Variants in AP1G1 observed in about 807,000 individuals in gnomAD.
AP1G1 encodes adaptor related protein complex 1 subunit gamma 1, also known as AP-1 complex subunit gamma-1.
AP1G1 carries 7 observed loss-of-function variants against 108.3 expected under a neutral mutation model. The observed-to-expected ratio is 0.06, with a 90% CI of 0.04 to 0.12. The LOEUF (loss-of-function observed/expected upper bound fraction) is 0.12, where lower values mean the gene tolerates loss of function less well. AP1G1 is among the 10% of genes least tolerant of loss of function. The probability of loss-of-function intolerance (pLI) is 1.00; values close to 1 mark genes in which losing one functional copy is unlikely to be tolerated. For missense variants in AP1G1, 756 were observed against 1,010.7 expected, an observed-to-expected ratio of 0.75 and a Z score of 3.42; for synonymous variants, 379 against 353.5, an observed-to-expected ratio of 1.07 and a Z score of -0.81.
At chr16:71,788,567 C>T (rs1235515732) in intron 2 of AP1G1, among the ~76,000 whole-genome samples, 1 of 152,048 alleles carries the variant, frequency 6.6e-6, no homozygotes, top group East Asian at 1.9e-4. Context: ...CAATTGGCAA[C>T]CACCTAATTT....
intron 4 of AP1G1, among the ~76,000 whole-genome samples, chr16:71,771,647 G>A (rs537726278): frequency 1.3e-5 from 2 of 152,108 alleles, no homozygotes; most frequent in African/African-American, 2.4e-5. Flanking sequence ...TAGACAAGTA[G>A]GCAAAAACTT....
chr16:71,747,613 C>A (rs556435001), intron 16 of AP1G1, among the ~76,000 whole-genome samples: 2 of 151,278 alleles, frequency 1.3e-5, no homozygotes, highest in African/African-American at 4.9e-5. Flanking sequence ...ACAAATAAAC[C>A]AAAACCTTTA....
chr16:71,755,471 G>T (rs1475641174), intron 12 of AP1G1, among the ~76,000 whole-genome samples: 1 of 152,058 alleles, frequency 6.6e-6, no homozygotes, highest in Non-Finnish European at 1.5e-5. Flanking sequence ...CAGCATCATA[G>T]ATGAGAGGTT....
intron 19 of AP1G1, 102 bp from the exon 20 acceptor site, chr16:71,739,443 T>G (rs1324994832): frequency 1.1e-6 from 1 of 906,200 alleles, no homozygotes; most frequent in Non-Finnish European, 1.6e-6. Context: ...AAGGAAAGAT[T>G]CCTTAAACAA....
rs769382797 is a variant in AP1G1, at chr16:71,731,777, A to C, written c.*1281T>G. 1 of 152,668 alleles carries C rather than the reference A, an allele frequency of 6.6e-6. No homozygotes were observed. Among genetic ancestry groups the C allele is most frequent in the Non-Finnish European group, 1.5e-5 (1 of 68,040 alleles). 9.5% of individuals were successfully genotyped at this position (152,668 alleles called of 1,614,324 possible). A position where few individuals can be genotyped will look rare whatever the true frequency, so the allele number is the denominator to read the frequency against. ...AAGAGACCAATTTCTCAGACTGAGG[A>C]AAGGCTATTCCTACCCTATGGTGTC... On this transcript the variant is annotated 3_prime_UTR_variant, in exon 23 of 23. Coordinates refer to ENST00000299980, the MANE Select transcript of AP1G1 (RefSeq NM_001128.6).
At position 71,731,861 on chromosome 16, in the gene AP1G1, A is replaced by G. The variant is rs558809808; in HGVS notation, c.*1197T>C. On this transcript the variant is annotated 3_prime_UTR_variant, in exon 23 of 23. Coordinates refer to ENST00000299980, the MANE Select transcript of AP1G1 (RefSeq NM_001128.6). ...CTACAAGGCTTCACTCCAACACCAT[A>G]AAGTACAATATGGAAAGATTTCTTT... is the stretch of plus-strand genomic sequence containing the variant. 6.5e-6 allele frequency: 1 copy of G among 152,792 alleles called. No homozygotes were observed. Among genetic ancestry groups the G allele is most frequent in the South Asian group, 2.1e-4 (1 of 4,828 alleles). The allele number at this position is 152,792 out of a possible 1,614,324, so 9.5% of individuals were successfully genotyped here. A position where few individuals can be genotyped will look rare whatever the true frequency, so the allele number is the denominator to read the frequency against.
intron 9 of AP1G1, among the ~76,000 whole-genome samples, chr16:71,762,114 C>T (rs1266120168): frequency 1.3e-5 from 2 of 152,048 alleles, no homozygotes; most frequent in Admixed American, 6.5e-5. Context: ...TACCCTAAAA[C>T]TCCGTTAATA....
At chr16:71,780,740 G>C (rs2031982963) in intron 2 of AP1G1, among the ~76,000 whole-genome samples, 1 of 151,814 alleles carries the variant, frequency 6.6e-6, no homozygotes, top group South Asian at 2.1e-4. Context: ...CTAACTCTTG[G>C]GCTCAGGCCA....
intron 19 of AP1G1, among the ~76,000 whole-genome samples, chr16:71,740,605 G>A (rs556672762): frequency 1.4e-3 from 206 of 152,166 alleles, no homozygotes; most frequent in African/African-American, 4.3e-3. Context: ...CACTTAACAT[G>A]GATTATTCAT....
chr16:71,733,149 C>T lies in AP1G1; in HGVS notation c.2378G>A (p.Arg793Gln). 6.2e-7 allele frequency: 1 copy of T among 1,613,836 alleles called. No individual in the cohort carries two copies. Residue 793 changes from arginine to glutamine, a missense_variant, in exon 23 of 23, where the codon CGA becomes CAA. Physicochemically the swap from Arg to Gln is conservative, Grantham distance 43. Coordinates refer to ENST00000299980, the MANE Select transcript of AP1G1 (RefSeq NM_001128.6). ...ATTATATGTAAGCTTGATCCGCATT[C>T]GCAGCTGTTGCTATAAGAGGAAAAG... is the stretch of plus-strand genomic sequence containing the variant. ...KVLNPQKQQL[R>Q]MRIKLTYNHK...
chr16:71,751,948 A>C (rs762326743), intron 13 of AP1G1, among the ~76,000 whole-genome samples: 5 of 152,182 alleles, frequency 3.3e-5, no homozygotes, highest in Non-Finnish European at 5.9e-5. Context: ...ATTATAAGAG[A>C]AAACTATAAG....
chr16:71,797,907 C>T (rs1478509170), intron 1 of AP1G1, among the ~76,000 whole-genome samples: 3 of 151,746 alleles, frequency 2.0e-5, no homozygotes, highest in African/African-American at 7.3e-5. Flanking sequence ...GGGAGTTGTC[C>T]AAAGAAAATT....
chr16:71,801,155 A>G (rs539873923), intron 1 of AP1G1, among the ~76,000 whole-genome samples: 1 of 152,224 alleles, frequency 6.6e-6, no homozygotes. Flanking sequence ...AAAAATACAA[A>G]AATTATCTGG....
intron 2 of AP1G1, among the ~76,000 whole-genome samples, chr16:71,782,754 G>A (rs935215515): frequency 2.0e-5 from 3 of 151,092 alleles, no homozygotes; most frequent in African/African-American, 7.4e-5. Context: ...CCAAAGTGCT[G>A]GGATTACAGG....
intron 2 of AP1G1, among the ~76,000 whole-genome samples, chr16:71,780,498 A>T (rs756521321): frequency 0.017 from 829 of 50,064 alleles, 1 homozygote; most frequent in Middle Eastern, 0.061. Context: ...CTCTTAATTT[A>T]AAAAAAAAAA....
intron 6 of AP1G1, among the ~76,000 whole-genome samples, chr16:71,768,916 T>TC (rs1313466192): frequency 4.8e-5 from 1 of 21,012 alleles, no homozygotes; most frequent in Non-Finnish European, 7.5e-5. Flanking sequence ...AGACTCTGTC[T>TC]CAAAAAAAAA....
chr16:71,760,284 T>C (rs1030802164), intron 10 of AP1G1, among the ~76,000 whole-genome samples: 4 of 150,942 alleles, frequency 2.7e-5, no homozygotes, highest in South Asian at 2.1e-4. Context: ...GGCTCACGCC[T>C]GTAATCCCAG....
intron 2 of AP1G1, among the ~76,000 whole-genome samples, chr16:71,786,724 T>TCAAAGTG (rs2032216175): frequency 2.6e-5 from 4 of 151,944 alleles, no homozygotes; most frequent in African/African-American, 7.3e-5. Flanking sequence ...CTCCCAAAGT[T>TCAAAGTG]CTGGGTGTAC....
chr16:71,769,190 G>A (rs756720553), intron 6 of AP1G1, among the ~76,000 whole-genome samples: 7 of 151,706 alleles, frequency 4.6e-5, no homozygotes, highest in Non-Finnish European at 8.8e-5. Context: ...GGCTGAGGCA[G>A]GAGAATCACT....
Sources: allele counts gnomAD v4.1 joint callset (sites outside exome capture counted in the v4.1 genomes callset), GRCh38; gene constraint gnomAD v4.1.1; transcripts MANE v1.5; gene names NCBI Gene and HGNC (gene_info 2026-07-23, HGNC 2026-07-21).